CCDC85C: variants seen among roughly 807,000 people sequenced by gnomAD.
The protein encoded by CCDC85C is coiled-coil domain containing 85C, also known as coiled-coil domain-containing protein 85C.
Under a neutral mutation model 38.3 loss-of-function variants are expected in CCDC85C, and 18 were observed. That is an observed-to-expected ratio of 0.47 (90% CI 0.33 to 0.70). The LOEUF (loss-of-function observed/expected upper bound fraction) is 0.70, where lower values mean the gene tolerates loss of function less well. CCDC85C is among the 30% of genes least tolerant of loss of function. CCDC85C has a pLI of 0.03. For synonymous variants in CCDC85C, 264 were observed against 293.8 expected (o/e 0.90, Z 1.04); for missense variants, 566 against 621.2 (o/e 0.91, Z 0.94).
At position 99,535,028 on chromosome 14, in the gene CCDC85C, G is replaced by A. The variant is rs866313066; in HGVS notation, c.867+987C>T. The A allele has an allele frequency of 1.5e-5, 5 of 334,334 alleles. No homozygotes were observed. The highest frequency in any genetic ancestry group is 6.6e-5 in the East Asian group (1 of 15,174). The allele number at this position is 334,334 out of a possible 1,614,324, so 20.7% of individuals were successfully genotyped here. ...CCCACAGCCCACAAAGGGGTGAGAC[G>A]TGAGGATGACCTCAGTGGGAGCTGT... is the stretch of plus-strand genomic sequence containing the variant. On this transcript the variant is annotated intron_variant, in intron 2 of 5. Coordinates refer to ENST00000380243, the MANE Select transcript of CCDC85C (RefSeq NM_001144995.2). This position sits in a 1 kb window ranked among gnomAD's most constrained non-coding sequence, Gnocchi z 5.5.
At chr14:99,559,664 T>C (rs1898078636) in intron 1 of CCDC85C, among the ~76,000 whole-genome samples, 1 of 152,128 alleles carries the variant, frequency 6.6e-6, no homozygotes, top group South Asian at 2.1e-4. Context: ...GTCTCTTCCA[T>C]CAGGGAGCAA....
chr14:99,546,715 C>A (rs1483087065), intron 1 of CCDC85C, among the ~76,000 whole-genome samples: 1 of 152,156 alleles, frequency 6.6e-6, no homozygotes, highest in East Asian at 1.9e-4. Flanking sequence ...GACCCACACA[C>A]CTGGTGTGTG....
At chr14:99,541,387 C>A (rs1897709558) in intron 1 of CCDC85C, among the ~76,000 whole-genome samples, 2 of 152,208 alleles carry the variant, frequency 1.3e-5, no homozygotes, top group Admixed American at 1.3e-4. Context: ...ACGCTCCTTG[C>A]ATCTGACTCT....
chr14:99,502,969 G>C lies in CCDC85C; in HGVS notation c.*12277C>G, dbSNP rs761124604. ...CTCCGCAGCCCAGTTCTCCCCGACAGGTTAAGCGAGCCGTGGTGAGTGGGC... is the reference window on the plus strand; with the variant it reads ...CTCCGCAGCCCAGTTCTCCCCGACACGTTAAGCGAGCCGTGGTGAGTGGGC... On this transcript the variant is annotated 3_prime_UTR_variant, in exon 6 of 6. Transcript: ENST00000380243. 19 of 1,613,880 alleles carry C rather than the reference G, an allele frequency of 1.2e-5. No individual in the cohort carries two copies. The highest frequency in any genetic ancestry group is 1.5e-5 in the Non-Finnish European group (18 of 1,179,904).
chr14:99,532,031 A>G (rs1490149995), intron 2 of CCDC85C, among the ~76,000 whole-genome samples: 1 of 152,188 alleles, frequency 6.6e-6, no homozygotes, highest in African/African-American at 2.4e-5. Flanking sequence ...CAGGCTCCCC[A>G]AGACACATCC....
At chr14:99,555,551 T>C (rs985195189) in intron 1 of CCDC85C, among the ~76,000 whole-genome samples, 1 of 152,186 alleles carries the variant, frequency 6.6e-6, no homozygotes, top group African/African-American at 2.4e-5. Context: ...TACAGCCCTG[T>C]TGGATGAAAT....
rs1874764352 is a variant in CCDC85C, at chr14:99,502,244, A to G, written c.*13002T>C. 1 of 1,603,706 alleles carries G rather than the reference A, an allele frequency of 6.2e-7. No homozygotes were observed. Among genetic ancestry groups the G allele is most frequent in the African/African-American group, 1.3e-5 (1 of 74,754 alleles). On this transcript the variant is annotated 3_prime_UTR_variant, in exon 6 of 6. Coordinates refer to ENST00000380243, the MANE Select transcript of CCDC85C (RefSeq NM_001144995.2). ...CTTGTCACTGCAGTGGGAACCAGAG[A>G]TCATAGCAGTAGCAGTGATGTATCT... is the stretch of plus-strand genomic sequence containing the variant.
chr14:99,567,750 GGGA>G (rs1000383274), intron 1 of CCDC85C, among the ~76,000 whole-genome samples: 1 of 152,174 alleles, frequency 6.6e-6, no homozygotes, highest in African/African-American at 2.4e-5. Flanking sequence ...GCTTGAACTT[GGGA>G]GGAGGAGCTT....
chr14:99,516,782 G>A lies in CCDC85C; in HGVS notation c.1071+306C>T, dbSNP rs1202885034. 1.3e-5 allele frequency among the ~76,000 whole-genome samples: 2 copies of A among 152,154 alleles called. No homozygotes were observed. Among genetic ancestry groups the A allele is most frequent in the African/African-American group, 2.4e-5 (1 of 41,416 alleles). The stretch of plus-strand genomic sequence containing the variant: ...CAGAGGCTGGGCCTGGCAGACCTGA[G>A]GTTAGTTCTAGCCCCACTCCTGCCC... On this transcript the variant is annotated intron_variant, in intron 4 of 5. Coordinates refer to ENST00000380243, the MANE Select transcript of CCDC85C (RefSeq NM_001144995.2). The surrounding 1 kb of genome is among the most constrained non-coding windows in gnomAD (Gnocchi z 5.5).
At chr14:99,529,336 G>A (rs547150354) in intron 2 of CCDC85C, among the ~76,000 whole-genome samples, 6 of 152,320 alleles carry the variant, frequency 3.9e-5, no homozygotes, top group Admixed American at 1.3e-4. Context: ...GGACAGGCCT[G>A]TGGGAGCTTT....
chr14:99,504,992 T>C lies in CCDC85C; in HGVS notation c.*10254A>G, dbSNP rs1896939598. On this transcript the variant is annotated 3_prime_UTR_variant, in exon 6 of 6. Coordinates refer to ENST00000380243, the MANE Select transcript of CCDC85C (RefSeq NM_001144995.2). The stretch of plus-strand genomic sequence containing the variant: ...CAAAGGAATTGAGAATCAGGGGAAA[T>C]GGAGAGGAGTCTTTCTGGAATGTGA... The C allele has an allele frequency of 6.6e-6, 1 of 152,088 alleles. No homozygotes were observed. Among genetic ancestry groups the C allele is most frequent in the African/African-American group, 2.4e-5 (1 of 41,378 alleles). 9.4% of individuals were successfully genotyped at this position (152,088 alleles called of 1,614,324 possible). A position where few individuals can be genotyped will look rare whatever the true frequency, so the allele number is the denominator to read the frequency against.
At position 99,603,348 on chromosome 14, in the gene CCDC85C, G is replaced by A. The variant is rs1349017040; in HGVS notation, c.612C>T (p.Asp204=). 2 of 1,290,986 alleles carry A rather than the reference G, an allele frequency of 1.5e-6. No homozygotes were observed. The highest frequency in any genetic ancestry group is 3.2e-5 in the East Asian group (1 of 31,704). 80.0% of individuals were successfully genotyped at this position (1,290,986 alleles called of 1,614,324 possible). Residue 204 remains aspartate (D), a synonymous_variant, in exon 1 of 6, where the codon GAC becomes GAT. Transcript: ENST00000380243. The surrounding 1 kb of genome is among the most constrained non-coding windows in gnomAD (Gnocchi z 7.5). ...TGCCCGCGCTGGACGTACTGCTGCC[G>A]TCGCCCACGTCGCGGGCCCCCGCGC... is the stretch of plus-strand genomic sequence containing the variant. ...APGAGARDVG[D]GSSTSSAGSG...
Position 99,502,094 on chromosome 14 carries a change from T to G in CCDC85C, c.*13152A>C. On this transcript the variant is annotated 3_prime_UTR_variant, in exon 6 of 6. Transcript: ENST00000380243. ...GTTTATTTATTTATAGTACTTTAAT[T>G]AAATTTAGGGGAGAATAAGCAAATT... The G allele has an allele frequency of 1.7e-6, 2 of 1,175,354 alleles. No individual in the cohort carries two copies. The highest frequency in any genetic ancestry group is 1.1e-6 in the Non-Finnish European group (1 of 871,532). 72.8% of individuals were successfully genotyped at this position (1,175,354 alleles called of 1,614,324 possible).
intron 1 of CCDC85C, chr14:99,579,910 C>T (rs1437198833): frequency 1.2e-5 from 4 of 342,208 alleles, no homozygotes; most frequent in Non-Finnish European, 1.8e-5. Flanking sequence ...GCCAGGCCAC[C>T]CTGCCCACCC....
intron 1 of CCDC85C, among the ~76,000 whole-genome samples, chr14:99,581,754 T>C (rs941556): frequency 0.96 from 146,942 of 152,292 alleles, 71,029 homozygotes; most frequent in Non-Finnish European, 1. Flanking sequence ...GGATGGGGGC[T>C]GACGACCCTT....
chr14:99,532,974 GT>G (rs1381957468), intron 2 of CCDC85C, among the ~76,000 whole-genome samples: 1 of 152,020 alleles, frequency 6.6e-6, no homozygotes, highest in Non-Finnish European at 1.5e-5. Flanking sequence ...TAGAGACGAG[GT>G]TTTGCTGTGT....
chr14:99,533,674 AC>A lies in CCDC85C; in HGVS notation c.867+2340del, dbSNP rs1400134898. Among the ~76,000 whole-genome samples, 3 of 152,124 alleles carry A rather than the reference AC, an allele frequency of 2.0e-5. No individual in the cohort carries two copies. The highest frequency in any genetic ancestry group is 7.2e-5 in the African/African-American group (3 of 41,446). On this transcript the variant is annotated intron_variant, in intron 2 of 5. Transcript: ENST00000380243. The surrounding 1 kb of genome is among the most constrained non-coding windows in gnomAD (Gnocchi z 4.2). ...AGGATGTGAACAGAGCCCTGCTGCT[AC>A]CCCCAGGGAGCTGGTGGGAGCAGGC...
In CCDC85C at chr14:99,522,169, C is replaced by T. The variant is rs1226883313; in HGVS notation, c.939G>A (p.Ala313=). 9 of 1,551,000 alleles carry T rather than the reference C, an allele frequency of 5.8e-6. No individual in the cohort carries two copies. The Middle Eastern group carries it at 1.0e-3, about 172-fold the overall frequency. ...FSPYHSESQL[A]SLPPSYQDSL... is the part of the protein sequence containing the mutation. ...AGTCCTGGTAGGAGGGCGGCAGGGACGCAAGCTGGGACTCCGAGTGGTAGG... is the reference window on the plus strand; with the variant it reads ...AGTCCTGGTAGGAGGGCGGCAGGGATGCAAGCTGGGACTCCGAGTGGTAGG... The change falls in exon 3 of 6, where the codon GCG becomes GCA. Residue 313 remains alanine (A), a synonymous_variant. Coordinates refer to ENST00000380243, the MANE Select transcript of CCDC85C (RefSeq NM_001144995.2).
At chr14:99,589,685 G>A (rs1452556499) in intron 1 of CCDC85C, among the ~76,000 whole-genome samples, 1 of 151,978 alleles carries the variant, frequency 6.6e-6, no homozygotes, top group Non-Finnish European at 1.5e-5. Context: ...GGGTTGCAGA[G>A]GCCACTGCCC....
Sources: gnomAD v4.1 joint callset for allele counts (sites outside exome capture counted in the v4.1 genomes callset) on GRCh38, gnomAD v4.1.1 for gene constraint, Gnocchi (gnomAD v3.1) non-coding constraint, MANE v1.5 for transcripts, NCBI Gene and HGNC (gene_info 2026-07-23, HGNC 2026-07-21) for gene names.